TIMP3: variants seen among roughly 807,000 people sequenced by gnomAD.
The protein encoded by TIMP3 is TIMP metallopeptidase inhibitor 3.
TIMP3 carries 11 observed loss-of-function variants against 30.0 expected under a neutral mutation model. The observed-to-expected ratio is 0.37, with a 90% confidence interval of 0.23 to 0.61. The LOEUF (loss-of-function observed/expected upper bound fraction) is 0.61. Ranked by LOEUF, TIMP3 falls within the 20% of genes least tolerant of loss-of-function variation. TIMP3 has a pLI of 0.70. For missense variants in TIMP3, 181 were observed against 276.8 expected (o/e 0.65, Z 2.45); for synonymous variants, 112 against 111.3 (o/e 1.01, Z -0.04).
Position 32,861,745 on chromosome 22 carries a change from G to T in TIMP3, c.*2368G>T, listed in dbSNP as rs1243843492. On this transcript the variant is annotated 3_prime_UTR_variant, in exon 5 of 5. Transcript: ENST00000266085. ...GTCTTTCGCAAAGCGATGTCAGAGG[G>T]CGGTTTTGAGCTTTCTATAAGCTAT... The T allele has an allele frequency of 6.6e-6, 1 of 152,474 alleles. No homozygotes were observed. Among genetic ancestry groups the T allele is most frequent in the Non-Finnish European group, 1.5e-5 (1 of 68,024 alleles). 9.4% of individuals were successfully genotyped at this position (152,474 alleles called of 1,614,324 possible).
At chr22:32,856,270 T>C (rs977032199) in intron 2 of TIMP3, among the ~76,000 whole-genome samples, 1 of 139,478 alleles carries the variant, frequency 7.2e-6, no homozygotes, top group African/African-American at 2.8e-5. Flanking sequence ...GGTGCTGGGA[T>C]GTCAGACATG....
intron 1 of TIMP3, among the ~76,000 whole-genome samples, chr22:32,847,200 G>A (rs1056418963): frequency 6.6e-6 from 1 of 152,170 alleles, no homozygotes; most frequent in Non-Finnish European, 1.5e-5. Flanking sequence ...GCCTCTGCAC[G>A]GAGGTGAAGC....
In TIMP3 at chr22:32,804,796, A is replaced by G. The variant is rs754093621; in HGVS notation, c.121+2674A>G. 5.9e-4 allele frequency among the ~76,000 whole-genome samples: 90 copies of G among 152,278 alleles called. 1 individual carries two copies. Among genetic ancestry groups the G allele is most frequent in the Non-Finnish European group, 6.8e-4 (46 of 68,024 alleles). On this transcript the variant is annotated intron_variant, in intron 1 of 4. Coordinates refer to ENST00000266085, the MANE Select transcript of TIMP3 (RefSeq NM_000362.5). ...AACTACATGCCGGCTTATAAGACAC[A>G]CTGTGGGGGAAAGAAAGGGACTTGG...
chr22:32,841,337 G>C (rs961011442), intron 1 of TIMP3, among the ~76,000 whole-genome samples: 5 of 152,192 alleles, frequency 3.3e-5, no homozygotes, highest in African/African-American at 1.2e-4. Context: ...CAGGGGCCAA[G>C]GGATTGCGAG....
intron 1 of TIMP3, among the ~76,000 whole-genome samples, chr22:32,843,659 TC>T (rs2047979106): frequency 6.6e-6 from 1 of 152,098 alleles, no homozygotes; most frequent in African/African-American, 2.4e-5. Flanking sequence ...TTCCAACACT[TC>T]CAGATCCCTC....
chr22:32,816,993 G>A (rs1220479413), intron 1 of TIMP3, among the ~76,000 whole-genome samples: 2 of 151,950 alleles, frequency 1.3e-5, no homozygotes, highest in Non-Finnish European at 2.9e-5. Context: ...TGAGGCGAGA[G>A]GATCGCTTGA....
chr22:32,852,246 C>T (rs923017669), intron 2 of TIMP3, among the ~76,000 whole-genome samples: 1 of 152,138 alleles, frequency 6.6e-6, no homozygotes, highest in African/African-American at 2.4e-5. Flanking sequence ...GGGTCTTTGC[C>T]TATAAGGAGA....
chr22:32,817,937 C>T (rs16991252), intron 1 of TIMP3, among the ~76,000 whole-genome samples: 3,341 of 152,216 alleles, frequency 0.022, 134 homozygotes, highest in African/African-American at 0.076. Flanking sequence ...CTTACATCAC[C>T]GTCCTACCTA....
chr22:32,854,630 G>A (rs1369697600), intron 2 of TIMP3, among the ~76,000 whole-genome samples: 2 of 152,186 alleles, frequency 1.3e-5, no homozygotes, highest in African/African-American at 4.8e-5. Context: ...ACAGCAGCAC[G>A]CTTAAACATG....
intron 2 of TIMP3, among the ~76,000 whole-genome samples, chr22:32,852,383 A>G (rs183561305): frequency 6.6e-6 from 1 of 152,296 alleles, no homozygotes; most frequent in Non-Finnish European, 1.5e-5. Flanking sequence ...TTGGTTTATC[A>G]TCCAGCAGTG....
At chr22:32,856,723 G>C (rs1226789831) in intron 2 of TIMP3, among the ~76,000 whole-genome samples, 4 of 152,118 alleles carry the variant, frequency 2.6e-5, no homozygotes, top group African/African-American at 7.2e-5. Flanking sequence ...ATTGTTTACT[G>C]TAGTCATTCT....
intron 1 of TIMP3, among the ~76,000 whole-genome samples, chr22:32,830,978 C>T (rs1209521941): frequency 6.6e-6 from 1 of 152,056 alleles, no homozygotes; most frequent in Non-Finnish European, 1.5e-5. Context: ...ACCAGGGGCA[C>T]AGGGGTGGGG....
chr22:32,841,132 C>T lies in TIMP3; in HGVS notation c.122-8320C>T, dbSNP rs973970737. 3.9e-5 allele frequency among the ~76,000 whole-genome samples: 6 copies of T among 152,244 alleles called. No homozygotes were observed. In the East Asian group the frequency reaches 9.6e-4, roughly 24 times the overall value. On this transcript the variant is annotated intron_variant, in intron 1 of 4. Transcript: ENST00000266085. ...TTATACAAGAAATCACACGTAGCTT[C>T]CCATATTCAGCAAATACATATGAGG...
At chr22:32,856,950 G>A (rs1346197706) in intron 2 of TIMP3, among the ~76,000 whole-genome samples, 3 of 152,156 alleles carry the variant, frequency 2.0e-5, no homozygotes, top group African/African-American at 4.8e-5. Flanking sequence ...TTAGCAAAAC[G>A]ACCTCCAGTT....
At position 32,859,377 on chromosome 22, in the gene TIMP3, A is replaced by AGC. The variant is rs756613860; in HGVS notation, c.*3_*4dup. Reference sequence around the variant, plus strand: ...GCATCATCAATGCCACAGACCCCTGAGCGCCAGACCCTGCCCCACCTCACT... The same window carrying AGC: ...GCATCATCAATGCCACAGACCCCTGAGCGCGCCAGACCCTGCCCCACCTCACT... On this transcript the variant is annotated 3_prime_UTR_variant, in exon 5 of 5. Coordinates refer to ENST00000266085, the MANE Select transcript of TIMP3 (RefSeq NM_000362.5). 1 of 1,608,354 alleles carries AGC rather than the reference A, an allele frequency of 6.2e-7. No homozygotes were observed. The highest frequency in any genetic ancestry group is 8.5e-7 in the Non-Finnish European group (1 of 1,179,804).
At chr22:32,805,939 G>A (rs1201085977) in intron 1 of TIMP3, among the ~76,000 whole-genome samples, 2 of 151,902 alleles carry the variant, frequency 1.3e-5, no homozygotes, top group Non-Finnish European at 2.9e-5. Flanking sequence ...TCTTTAGGGA[G>A]GGAGAGCTTA....
intron 1 of TIMP3, among the ~76,000 whole-genome samples, chr22:32,844,988 C>T (rs906847766): frequency 6.6e-6 from 1 of 152,168 alleles, no homozygotes; most frequent in African/African-American, 2.4e-5. Context: ...CTTGGCCTCC[C>T]AAAGTGATGA....
chr22:32,830,335 A>G (rs1431907988), intron 1 of TIMP3, among the ~76,000 whole-genome samples: 2 of 152,142 alleles, frequency 1.3e-5, no homozygotes, highest in Non-Finnish European at 2.9e-5. Flanking sequence ...TGCCTGCAAC[A>G]TCCTATGAGC....
chr22:32,848,288 T>C (rs952096839), intron 1 of TIMP3, among the ~76,000 whole-genome samples: 2 of 152,218 alleles, frequency 1.3e-5, no homozygotes, highest in African/African-American at 4.8e-5. Context: ...GTAAATCCTT[T>C]CTGCCAGACA....
Sources: gnomAD v4.1 joint callset for allele counts (sites outside exome capture counted in the v4.1 genomes callset) on GRCh38, gnomAD v4.1.1 for gene constraint, MANE v1.5 for transcripts, NCBI Gene and HGNC (gene_info 2026-07-23, HGNC 2026-07-21) for gene names.